Variants in SNX18 observed in about 807,000 individuals in gnomAD.
The protein encoded by SNX18 is sorting nexin-18.
A neutral mutation model predicts 48.7 loss-of-function variants in SNX18; 35 were observed. The ratio of observed to expected loss-of-function variants is 0.72; its 90% CI spans 0.55 to 0.95. SNX18 has a LOEUF of 0.95. SNX18 is among the 40% of genes least tolerant of loss of function. SNX18 has a pLI of 0.00. For missense variants in SNX18, 824 were observed against 871.0 expected (o/e 0.95, Z 0.68); for synonymous variants, 492 against 384.7 (o/e 1.28, Z -3.26).
chr5:54,574,771 G>A, the SNX18 span, among the ~76,000 whole-genome samples: 7 of 152,136 alleles, frequency 4.6e-5, 1 homozygote, highest in Admixed American at 4.6e-4. Context: ...GGGCGGGTAA[G>A]GGTGTACATG....
chr5:54,634,056 C>T, the SNX18 span, among the ~76,000 whole-genome samples: 6 of 152,310 alleles, frequency 3.9e-5, no homozygotes, highest in South Asian at 1.0e-3. Flanking sequence ...ATGTGCAGTA[C>T]TCTGAAGAGT....
chr5:54,521,735 C>T (rs755713408), intron 1 of SNX18, among the ~76,000 whole-genome samples: 23 of 152,150 alleles, frequency 1.5e-4, no homozygotes, highest in African/African-American at 5.5e-4. Context: ...TTATTTACTT[C>T]TTTATTTATT....
the SNX18 span, among the ~76,000 whole-genome samples, chr5:54,620,165 T>C: frequency 1.3e-5 from 2 of 152,082 alleles, no homozygotes; most frequent in African/African-American, 2.4e-5. Context: ...ACAGGCAAAC[T>C]GGCATGATTT....
the SNX18 span, among the ~76,000 whole-genome samples, chr5:54,565,202 G>A: frequency 6.6e-6 from 1 of 152,210 alleles, no homozygotes; most frequent in Non-Finnish European, 1.5e-5. Context: ...AACATAAAAT[G>A]TTCACAGGTT....
At chr5:54,647,196 A>G in the SNX18 span, among the ~76,000 whole-genome samples, 1 of 152,362 alleles carries the variant, frequency 6.6e-6, no homozygotes, top group Non-Finnish European at 1.5e-5. Flanking sequence ...TTATTCAATA[A>G]TCATTTACTA....
chr5:54,549,301 G>A (rs1024789262), downstream of SNX18, among the ~76,000 whole-genome samples: 2 of 152,190 alleles, frequency 1.3e-5, no homozygotes, highest in African/African-American at 2.4e-5. Flanking sequence ...CTGTACTATG[G>A]AAAATTAAGG....
At chr5:54,631,213 T>C in the SNX18 span, among the ~76,000 whole-genome samples, 1 of 152,340 alleles carries the variant, frequency 6.6e-6, no homozygotes, top group Middle Eastern at 3.4e-3. Flanking sequence ...GGACTTCTTT[T>C]GCAATGTTTA....
the SNX18 span, among the ~76,000 whole-genome samples, chr5:54,628,931 C>G: frequency 1.3e-5 from 2 of 152,212 alleles, no homozygotes; most frequent in Non-Finnish European, 2.9e-5. Context: ...TTTCACCTTT[C>G]CAGAATTGGT....
the SNX18 span, among the ~76,000 whole-genome samples, chr5:54,559,182 T>C: frequency 1.3e-5 from 2 of 152,132 alleles, no homozygotes; most frequent in Non-Finnish European, 2.9e-5. Flanking sequence ...CTATTCCTAT[T>C]AAACTATCAA....
At chr5:54,628,327 A>G in the SNX18 span, among the ~76,000 whole-genome samples, 1 of 152,138 alleles carries the variant, frequency 6.6e-6, no homozygotes, top group Non-Finnish European at 1.5e-5. Flanking sequence ...TGAAGCAGAG[A>G]GGCTGTTCCA....
intron 1 of SNX18, among the ~76,000 whole-genome samples, chr5:54,528,535 G>T (rs1762187529): frequency 6.6e-6 from 1 of 152,114 alleles, no homozygotes; most frequent in African/African-American, 2.4e-5. Flanking sequence ...AGGAGTGTAG[G>T]TGGAAAGCGC....
chr5:54,633,036 G>C, the SNX18 span, among the ~76,000 whole-genome samples: 1 of 152,072 alleles, frequency 6.6e-6, no homozygotes, highest in Non-Finnish European at 1.5e-5. Flanking sequence ...GCCTCCCAAA[G>C]TGCTGGGATT....
At chr5:54,577,506 TTTAA>T in the SNX18 span, among the ~76,000 whole-genome samples, 3 of 152,058 alleles carry the variant, frequency 2.0e-5, no homozygotes, top group Admixed American at 1.3e-4. Context: ...AAGGGCTTAC[TTTAA>T]TTGAGGAGAA....
At position 54,518,332 on chromosome 5, in the gene SNX18, C is replaced by T. The variant is rs764752445; in HGVS notation, c.380C>T (p.Pro127Leu). ...STFQPPGAGF[P>L]YGGGALQPSP... ...TTCCAGCCGCCCGGCGCGGGCTTCC[C>T]GTACGGCGGGGGCGCCCTGCAGCCG... The change falls in exon 1 of 2, where the codon CCG (proline) becomes CTG (leucine). Residue 127 changes from proline (P) to leucine (L), a missense_variant. Pro to Leu is a moderately conservative substitution (Grantham distance 98). Coordinates refer to ENST00000381410, the MANE Select transcript of SNX18 (RefSeq NM_001102575.2). The T allele has an allele frequency of 1.9e-6, 3 of 1,548,972 alleles. No individual in the cohort carries two copies. Among genetic ancestry groups the T allele is most frequent in the Non-Finnish European group, 2.6e-6 (3 of 1,150,622 alleles).
chr5:54,588,036 A>AGCC, the SNX18 span, among the ~76,000 whole-genome samples: 53 of 152,268 alleles, frequency 3.5e-4, 1 homozygote, highest in Admixed American at 3.0e-3. Context: ...TTGCGGAAGA[A>AGCC]GCCAATCTTC....
chr5:54,617,952 G>A, the SNX18 span, among the ~76,000 whole-genome samples: 1 of 152,168 alleles, frequency 6.6e-6, no homozygotes, highest in African/African-American at 2.4e-5. Context: ...ATTGGGGGAT[G>A]CGAGGATTAT....
At chr5:54,592,477 G>A in the SNX18 span, among the ~76,000 whole-genome samples, 7 of 152,290 alleles carry the variant, frequency 4.6e-5, no homozygotes, top group African/African-American at 1.7e-4. Flanking sequence ...TGGTTGCCTG[G>A]CACTGGTTAG....
rs1761893406 is a variant in SNX18 at position 54,517,834 on chromosome 5, G to T, written c.-119G>T. The T allele has an allele frequency of 1.8e-6, 2 of 1,140,430 alleles. No individual in the cohort carries two copies. Among genetic ancestry groups the T allele is most frequent in the South Asian group, 4.6e-5 (2 of 43,780 alleles). The allele number at this position is 1,140,430 out of a possible 1,614,324, so 70.6% of individuals were successfully genotyped here. On this transcript the variant is annotated 5_prime_UTR_variant, in exon 1 of 2. Coordinates refer to ENST00000381410, the MANE Select transcript of SNX18 (RefSeq NM_001102575.2). ...CGACCGGCTGGTCCGGGCAGCGTGG[G>T]TTTGCCGCCTTCGGGGCTCCAGTCC...
At chr5:54,550,263 T>C (rs781708105), downstream of SNX18, among the ~76,000 whole-genome samples, 1 of 152,158 alleles carries the variant, frequency 6.6e-6, no homozygotes, top group Non-Finnish European at 1.5e-5. Flanking sequence ...ATGGGGAAAG[T>C]GGAACCTGTA....
Sources: gnomAD v4.1 joint callset for allele counts (sites outside exome capture counted in the v4.1 genomes callset) on GRCh38, gnomAD v4.1.1 for gene constraint, MANE v1.5 for transcripts, NCBI Gene and HGNC (gene_info 2026-07-23, HGNC 2026-07-21) for gene names.